Variants in RARB observed in about 807,000 individuals in gnomAD.
RARB encodes the protein retinoic acid receptor beta.
RARB carries 17 observed loss-of-function variants against 51.9 expected under a neutral mutation model. That is an observed-to-expected ratio of 0.33 (90% CI 0.22 to 0.49). RARB has a LOEUF of 0.49. Among genes scored for constraint, RARB ranks in the 20% least tolerant of loss-of-function variants. The pLI is 0.99. For synonymous variants in RARB, 215 were observed against 195.4 expected, an observed-to-expected ratio of 1.10 and a Z score of -0.84; for missense variants, 369 against 550.8, an observed-to-expected ratio of 0.67 and a Z score of 3.30.
intron 1 of RARB, among the ~76,000 whole-genome samples, chr3:24,830,538 G>A (rs767984152): frequency 6.6e-6 from 1 of 150,798 alleles, no homozygotes; most frequent in South Asian, 2.1e-4. Flanking sequence ...CTCTCAGCGC[G>A]GGGTGAGTTT....
At chr3:24,906,310 T>C (rs1479200951) in intron 2 of RARB, among the ~76,000 whole-genome samples, 1 of 152,096 alleles carries the variant, frequency 6.6e-6, no homozygotes, top group Non-Finnish European at 1.5e-5. Flanking sequence ...AATGGATGGA[T>C]CTTAGTGTTT....
At chr3:25,291,035 C>T (rs1703773360) in intron 5 of RARB, among the ~76,000 whole-genome samples, 1 of 152,196 alleles carries the variant, frequency 6.6e-6, no homozygotes, top group Non-Finnish European at 1.5e-5. Context: ...TTTTGCCCTA[C>T]AACAGATCAC....
intron 3 of RARB, among the ~76,000 whole-genome samples, chr3:25,505,416 G>A (rs528464526): frequency 1.3e-5 from 2 of 152,262 alleles, no homozygotes; most frequent in South Asian, 4.2e-4. Context: ...TATTAGAGAT[G>A]TATCCCCTAG....
At chr3:24,921,245 C>A (rs1575072855) in intron 2 of RARB, among the ~76,000 whole-genome samples, 3 of 152,194 alleles carry the variant, frequency 2.0e-5, no homozygotes, top group South Asian at 4.2e-4. Context: ...ACATTGAGAT[C>A]CTACCGTGTG....
rs372547195 is a variant in RARB at position 24,838,502 on chromosome 3, C to T, written c.-459+9099C>T. On this transcript the variant is annotated intron_variant, in intron 1 of 11. Transcript: ENST00000383772. ...CAGAAAACCTAAAAACTATCAGACA[C>T]TATAGCTTGACAAGTATATTGGAAA... Among the ~76,000 whole-genome samples the T allele has an allele frequency of 2.0e-4, 30 of 152,258 alleles. No individual in the cohort carries two copies. In the East Asian group the frequency reaches 2.1e-3, roughly 11 times the overall value.
intron 5 of RARB, among the ~76,000 whole-genome samples, chr3:25,195,909 A>G (rs1701221801): frequency 6.6e-6 from 1 of 151,992 alleles, no homozygotes; most frequent in Non-Finnish European, 1.5e-5. Context: ...ATCAATGTTT[A>G]TGGCTCTATT....
intron 5 of RARB, among the ~76,000 whole-genome samples, chr3:25,586,049 G>T (rs140974385): frequency 6.6e-6 from 1 of 152,082 alleles, no homozygotes; most frequent in Admixed American, 6.5e-5. Context: ...AATTCTAGCC[G>T]CCCATCTGGC....
At chr3:25,234,141 T>C (rs1335991044) in intron 5 of RARB, among the ~76,000 whole-genome samples, 1 of 152,184 alleles carries the variant, frequency 6.6e-6, no homozygotes, top group Non-Finnish European at 1.5e-5. Flanking sequence ...TTGCTATTAA[T>C]TCTTTCTTAA....
chr3:25,260,785 G>T (rs1320561502), intron 5 of RARB, among the ~76,000 whole-genome samples: 2 of 152,144 alleles, frequency 1.3e-5, no homozygotes, highest in Non-Finnish European at 2.9e-5. Flanking sequence ...TGTCACTGGG[G>T]CTGGGTGACC....
intron 1 of RARB, among the ~76,000 whole-genome samples, chr3:25,456,220 T>C (rs1158562956): frequency 6.6e-6 from 1 of 152,208 alleles, no homozygotes; most frequent in African/African-American, 2.4e-5. Flanking sequence ...GATTATTGAT[T>C]TAAGCAGGAT....
intron 3 of RARB, among the ~76,000 whole-genome samples, chr3:25,067,209 AT>A (rs1698680532): frequency 6.6e-6 from 1 of 152,208 alleles, no homozygotes; most frequent in Non-Finnish European, 1.5e-5. Context: ...ATTAAAGGCA[AT>A]TGAAACCAGA....
At chr3:25,047,109 T>G (rs1051375615) in intron 2 of RARB, among the ~76,000 whole-genome samples, 1 of 152,214 alleles carries the variant, frequency 6.6e-6, no homozygotes, top group Non-Finnish European at 1.5e-5. Context: ...CTCTTCCATT[T>G]GCAAAGACTT....
At chr3:25,155,169 C>T (rs576899491) in intron 4 of RARB, among the ~76,000 whole-genome samples, 1 of 152,138 alleles carries the variant, frequency 6.6e-6, no homozygotes, top group Non-Finnish European at 1.5e-5. Context: ...GTCTTGTCTG[C>T]TCAATTCTTT....
chr3:25,265,840 G>C (rs34537630), intron 5 of RARB, among the ~76,000 whole-genome samples: 16,056 of 152,140 alleles, frequency 0.11, 1,003 homozygotes, highest in South Asian at 0.25. Context: ...TAAAATGAAG[G>C]TGTCAGCAGG....
intron 2 of RARB, among the ~76,000 whole-genome samples, chr3:24,922,982 A>G (rs148226184): frequency 0.02 from 3,036 of 152,240 alleles, 59 homozygotes; most frequent in Middle Eastern, 0.065. Context: ...AAGAGACTAT[A>G]TTTTTTCTTT....
At chr3:24,995,912 G>A (rs1382190301) in intron 2 of RARB, among the ~76,000 whole-genome samples, 3 of 151,910 alleles carry the variant, frequency 2.0e-5, no homozygotes, top group African/African-American at 7.2e-5. Flanking sequence ...CATCTGGTTT[G>A]TAGTTTTCTT....
intron 5 of RARB, among the ~76,000 whole-genome samples, chr3:25,175,356 C>T (rs1575196746): frequency 6.6e-6 from 1 of 152,198 alleles, no homozygotes; most frequent in East Asian, 1.9e-4. Flanking sequence ...TAACAACAGG[C>T]ATCCACAGCA....
At chr3:24,999,550 TA>T (rs1050184339) in intron 2 of RARB, among the ~76,000 whole-genome samples, 2 of 152,164 alleles carry the variant, frequency 1.3e-5, no homozygotes, top group Admixed American at 1.3e-4. Context: ...TTAAAGTCAG[TA>T]GTTGATGACA....
intron 5 of RARB, among the ~76,000 whole-genome samples, chr3:25,255,614 T>G (rs974120242): frequency 5.3e-5 from 8 of 152,012 alleles, no homozygotes; most frequent in Admixed American, 5.2e-4. Context: ...CGTGTAGATG[T>G]CTCAAAGTAC....
Sources: allele counts gnomAD v4.1 joint callset (sites outside exome capture counted in the v4.1 genomes callset), GRCh38; gene constraint gnomAD v4.1.1; transcripts MANE v1.5; gene names NCBI Gene and HGNC (gene_info 2026-07-23, HGNC 2026-07-21).